PREX1: variants seen among roughly 807,000 people sequenced by gnomAD.
PREX1 encodes phosphatidylinositol 3,4,5-trisphosphate-dependent Rac exchanger 1 protein.
PREX1 carries 41 observed loss-of-function variants against 198.3 expected under a neutral mutation model. The observed-to-expected ratio is 0.21, with a 90% confidence interval of 0.16 to 0.27. The LOEUF is 0.27. Among genes scored for constraint, PREX1 ranks in the 10% least tolerant of loss-of-function variants. The pLI, the probability that PREX1 is intolerant of heterozygous loss-of-function variation, is 1.00. For synonymous variants in PREX1, 843 were observed against 887.2 expected (o/e 0.95, Z 0.89); for missense variants, 1,620 against 2,200.7 (o/e 0.74, Z 5.28).
At chr20:48,655,905 C>A (rs1182275266) in intron 18 of PREX1, among the ~76,000 whole-genome samples, 2 of 152,212 alleles carry the variant, frequency 1.3e-5, no homozygotes, top group Non-Finnish European at 2.9e-5. Context: ...CATCAGTACC[C>A]TGCCCACATC....
At chr20:48,810,756 G>A (rs1215345512) in intron 1 of PREX1, among the ~76,000 whole-genome samples, 1 of 151,144 alleles carries the variant, frequency 6.6e-6, no homozygotes, top group Non-Finnish European at 1.5e-5. Flanking sequence ...GCATGGTGGT[G>A]CACACCTGTA....
intron 6 of PREX1, among the ~76,000 whole-genome samples, chr20:48,703,303 C>T (rs573109725): frequency 2.6e-5 from 4 of 152,334 alleles, no homozygotes; most frequent in South Asian, 2.1e-4. Flanking sequence ...GCTGTGCAGC[C>T]GGGACAGGAG....
intron 1 of PREX1, among the ~76,000 whole-genome samples, chr20:48,808,237 C>T (rs949858663): frequency 6.6e-6 from 1 of 152,178 alleles, no homozygotes; most frequent in African/African-American, 2.4e-5. Context: ...GCCATCCCCT[C>T]ACTGGCACAC....
chr20:48,634,570 G>T, intron 33 of PREX1, 106 bp downstream of exon 33: 1 of 1,134,838 alleles, frequency 8.8e-7, no homozygotes, highest in Non-Finnish European at 1.3e-6. Context: ...AGCCCACCTT[G>T]GGCAGCTGGC....
chr20:48,708,466 A>G (rs377434420), intron 5 of PREX1, 45 bp from the exon 6 acceptor site: 44 of 1,595,302 alleles, frequency 2.8e-5, no homozygotes, highest in Admixed American at 2.4e-4. Context: ...GACATCAATC[A>G]ATCCAGAGGA....
chr20:48,639,756 G>T lies in PREX1; in HGVS notation c.3904+10C>A, dbSNP rs2089393851. The T allele has an allele frequency of 1.2e-6, 2 of 1,613,224 alleles. No homozygotes were observed. The highest frequency in any genetic ancestry group is 1.3e-5 in the African/African-American group (1 of 74,858). ...CTCCCCACCATGATGCACCCTCCCTGCCCACCGACCTTCCACATATCTCTG... is the reference window on the plus strand; with the variant it reads ...CTCCCCACCATGATGCACCCTCCCTTCCCACCGACCTTCCACATATCTCTG... On this transcript the variant is annotated intron_variant, in intron 30 of 39. Coordinates refer to ENST00000371941, the MANE Select transcript of PREX1 (RefSeq NM_020820.4).
At chr20:48,709,539 G>A (rs994630319) in intron 5 of PREX1, among the ~76,000 whole-genome samples, 3 of 152,186 alleles carry the variant, frequency 2.0e-5, no homozygotes, top group African/African-American at 7.2e-5. Context: ...AATGTCTACT[G>A]AGCCTTCGCC....
intron 13 of PREX1, among the ~76,000 whole-genome samples, chr20:48,676,730 G>A (rs907627387): frequency 6.6e-5 from 10 of 152,220 alleles, no homozygotes; most frequent in South Asian, 4.1e-4. Context: ...TGCCACCGGC[G>A]CCGAGGCTGG....
intron 7 of PREX1, among the ~76,000 whole-genome samples, chr20:48,698,439 G>T (rs2089858054): frequency 6.6e-6 from 1 of 152,154 alleles, no homozygotes; most frequent in Non-Finnish European, 1.5e-5. Flanking sequence ...CGGCGGGGCA[G>T]GGCTCAGGGT....
intron 1 of PREX1, among the ~76,000 whole-genome samples, chr20:48,785,861 G>A (rs1248146103): frequency 6.6e-6 from 1 of 152,210 alleles, no homozygotes; most frequent in African/African-American, 2.4e-5. Flanking sequence ...GGCAGGCGGT[G>A]GAGACGGAGG....
intron 29 of PREX1, among the ~76,000 whole-genome samples, chr20:48,641,873 A>C (rs1467386732): frequency 7.9e-6 from 1 of 127,366 alleles, no homozygotes; most frequent in Non-Finnish European, 1.7e-5. Context: ...GAAGGAAGGA[A>C]GGAAGGAAGG....
chr20:48,657,005 G>C (rs7271528), intron 18 of PREX1, 35 bp downstream of exon 18: 301,970 of 1,553,754 alleles, frequency 0.19, 30,885 homozygotes, highest in Admixed American at 0.28. Flanking sequence ...GCCTGAGAGG[G>C]AGGGCTGCCG....
In PREX1 at chr20:48,666,327, A is replaced by C; in HGVS notation, c.1694T>G (p.Val565Gly). 1 of 1,569,516 alleles carries C rather than the reference A, an allele frequency of 6.4e-7. No homozygotes were observed. The highest frequency in any genetic ancestry group is 8.6e-7 in the Non-Finnish European group (1 of 1,157,630). ...GTTGCACAGACCCACGCCGAGCGCC[A>C]CTGCCTCCTCCCGAGTCTGGCAGTC... ...QGDCQTREEA[V>G]ALGVGLCNNG... Residue 565 changes from valine to glycine, a missense_variant, in exon 15 of 40, where the codon GTG becomes GGG. Val to Gly is a moderately radical substitution (Grantham distance 109). Around this residue, in one of 7 missense-constraint regions of PREX1, gnomAD observed 488 missense variants for 802.5 expected, o/e 0.61. Transcript: ENST00000371941. This position sits in a 1 kb window ranked among gnomAD's most constrained non-coding sequence, Gnocchi z 4.3.
intron 1 of PREX1, among the ~76,000 whole-genome samples, chr20:48,820,893 T>C (rs1438497774): frequency 1.3e-5 from 2 of 152,174 alleles, no homozygotes; most frequent in South Asian, 4.1e-4. Flanking sequence ...AATGACCCCG[T>C]GAAACCTCTT....
chr20:48,737,651 G>A (rs1287602446), intron 3 of PREX1, among the ~76,000 whole-genome samples: 3 of 152,114 alleles, frequency 2.0e-5, no homozygotes, highest in Admixed American at 6.5e-5. Flanking sequence ...AGAGTTCCCC[G>A]TCCTAATAAC....
the PREX1 span, among the ~76,000 whole-genome samples, chr20:48,863,745 G>A: frequency 7.2e-5 from 11 of 151,810 alleles, 1 homozygote; most frequent in South Asian, 1.7e-3. Context: ...ACACCACCAC[G>A]CCTGGCTAAT....
chr20:48,637,149 C>T (rs1445029028), intron 31 of PREX1, among the ~76,000 whole-genome samples: 5 of 152,232 alleles, frequency 3.3e-5, no homozygotes, highest in Non-Finnish European at 7.3e-5. Flanking sequence ...TCTGCCCTTG[C>T]CCCTGTCCTT....
chr20:48,841,558 AC>A, the PREX1 span, among the ~76,000 whole-genome samples: 1 of 152,168 alleles, frequency 6.6e-6, no homozygotes, highest in Non-Finnish European at 1.5e-5. Flanking sequence ...TCTCATCCAC[AC>A]AGAGGGGTCC....
intron 14 of PREX1, among the ~76,000 whole-genome samples, chr20:48,673,923 G>T (rs1349024619): frequency 6.6e-6 from 1 of 152,198 alleles, no homozygotes; most frequent in Non-Finnish European, 1.5e-5. Flanking sequence ...ATCTAAAGGA[G>T]AAGGTATTGG....
Sources: gnomAD v4.1 joint callset for allele counts (sites outside exome capture counted in the v4.1 genomes callset) on GRCh38, gnomAD v4.1.1 for gene constraint, gnomAD v4.1.1 regional missense constraint, Gnocchi (gnomAD v3.1) non-coding constraint, MANE v1.5 for transcripts, NCBI Gene and HGNC (gene_info 2026-07-23, HGNC 2026-07-21) for gene names.